Variants in RXFP1 observed in about 807,000 individuals in gnomAD.
RXFP1 encodes the protein relaxin receptor 1.
In RXFP1, 73 loss-of-function variants were observed where a neutral mutation model predicts 89.8. That is an observed-to-expected ratio of 0.81 (90% CI 0.67 to 0.99). RXFP1 has a LOEUF of 0.99. RXFP1 is among the 50% of genes least tolerant of loss of function. RXFP1 has a pLI of 0.00. For missense variants in RXFP1, 793 were observed against 895.5 expected (o/e 0.89, Z 1.46); for synonymous variants, 277 against 305.5 (o/e 0.91, Z 0.97).
intron 1 of RXFP1, among the ~76,000 whole-genome samples, chr4:158,552,244 T>G (rs1750313441): frequency 6.6e-6 from 1 of 152,148 alleles, no homozygotes; most frequent in African/African-American, 2.4e-5. Context: ...ACCACACCAG[T>G]AAGTAGGAAT....
intron 1 of RXFP1, among the ~76,000 whole-genome samples, chr4:158,550,906 A>G (rs1193403604): frequency 6.6e-6 from 1 of 152,100 alleles, no homozygotes; most frequent in African/African-American, 2.4e-5. Context: ...ATGGAGTTTT[A>G]TGAAGATAAA....
chr4:158,550,969 C>T (rs1749954460), intron 1 of RXFP1, among the ~76,000 whole-genome samples: 1 of 151,656 alleles, frequency 6.6e-6, no homozygotes, highest in African/African-American at 2.4e-5. Context: ...ATATTAAATG[C>T]TCTAAAACAT....
Position 158,652,028 on chromosome 4 carries a change from A to G in RXFP1, c.2247A>G (p.Gln749=). ...TYPCEMSLIS[Q]STRLNSYS is the part of the protein sequence containing the mutation. ...CCTGTGAAATGTCACTGATTTCTCA[A>G]TCAACGAGACTCAATTCCTATTCAT... The change falls in exon 18 of 18, where the codon CAA becomes CAG. Residue 749 remains glutamine (Q), a synonymous_variant. Coordinates refer to ENST00000307765, the MANE Select transcript of RXFP1 (RefSeq NM_021634.4). The G allele has an allele frequency of 6.2e-7, 1 of 1,613,084 alleles. No homozygotes were observed. Among genetic ancestry groups the G allele is most frequent in the Non-Finnish European group, 8.5e-7 (1 of 1,179,254 alleles).
chr4:158,645,976 C>T (rs900708830), intron 15 of RXFP1, among the ~76,000 whole-genome samples: 4 of 152,140 alleles, frequency 2.6e-5, no homozygotes, highest in African/African-American at 9.7e-5. Flanking sequence ...GAAGCCTAGA[C>T]TGTAACTTCA....
intron 6 of RXFP1, 105 bp downstream of exon 6, chr4:158,608,148 T>C (rs957710038): frequency 1.4e-6 from 1 of 704,846 alleles, no homozygotes; most frequent in Non-Finnish European, 2.4e-6. Context: ...CAAGGAGCCA[T>C]GCAAGTGATG....
At chr4:158,600,377 A>G (rs1267222417) in intron 4 of RXFP1, among the ~76,000 whole-genome samples, 1 of 152,184 alleles carries the variant, frequency 6.6e-6, no homozygotes, top group Non-Finnish European at 1.5e-5. Flanking sequence ...AAGTTTACCC[A>G]ATTTGTGGTG....
chr4:158,599,971 C>T (rs1761371540), intron 4 of RXFP1, among the ~76,000 whole-genome samples: 1 of 152,154 alleles, frequency 6.6e-6, no homozygotes, highest in South Asian at 2.1e-4. Context: ...TTCAAACTTA[C>T]ATATGTAAAA....
At chr4:158,647,272 A>G in intron 16 of RXFP1, 71 bp downstream of exon 16, 1 of 1,210,806 alleles carries the variant, frequency 8.3e-7, no homozygotes, top group South Asian at 1.6e-5. Flanking sequence ...GTTAGTAAGA[A>G]TGAGGGTGAA....
At chr4:158,533,232 C>T (rs1418886585) in intron 1 of RXFP1, among the ~76,000 whole-genome samples, 1 of 152,174 alleles carries the variant, frequency 6.6e-6, no homozygotes, top group African/African-American at 2.4e-5. Context: ...AAAGCCATGA[C>T]TCTAAAGCTT....
intron 11 of RXFP1, 65 bp downstream of exon 11, chr4:158,628,774 A>G (rs1767441157): frequency 3.7e-6 from 3 of 817,778 alleles, no homozygotes; most frequent in Admixed American, 5.1e-5. Context: ...ACTTGTACTT[A>G]CATGTGTTTA....
chr4:158,612,097 A>T (rs1310871824), intron 6 of RXFP1, 33 bp from the exon 7 acceptor site: 2 of 1,514,998 alleles, frequency 1.3e-6, no homozygotes, highest in African/African-American at 2.8e-5. Context: ...TCAAAAATAT[A>T]CAAATTTATT....
intron 9 of RXFP1, among the ~76,000 whole-genome samples, chr4:158,625,281 A>T (rs1016531773): frequency 6.6e-6 from 1 of 152,144 alleles, no homozygotes; most frequent in Non-Finnish European, 1.5e-5. Context: ...TAGAATCCAC[A>T]TTTAAGATTC....
intron 1 of RXFP1, among the ~76,000 whole-genome samples, chr4:158,534,750 A>G (rs1744886074): frequency 6.6e-6 from 1 of 151,658 alleles, no homozygotes. Context: ...GGGCACATCA[A>G]TGCTTAGTCC....
intron 17 of RXFP1, among the ~76,000 whole-genome samples, chr4:158,651,311 G>C (rs956871148): frequency 1.3e-5 from 2 of 151,862 alleles, no homozygotes; most frequent in Admixed American, 1.3e-4. Context: ...AAATCAAATG[G>C]CAAAAAAGAA....
chr4:158,601,604 G>A (rs371952929), intron 4 of RXFP1, among the ~76,000 whole-genome samples: 1 of 152,176 alleles, frequency 6.6e-6, no homozygotes, highest in African/African-American at 2.4e-5. Flanking sequence ...CGTAGTCCCA[G>A]TCTGTTCAGT....
In RXFP1 at chr4:158,547,639, G is replaced by A. The variant is rs112725045; in HGVS notation, c.50-25059G>A. 4.3e-4 allele frequency among the ~76,000 whole-genome samples: 66 copies of A among 151,888 alleles called. 2 individuals carry two copies. The highest frequency in any genetic ancestry group is 1.5e-3 in the African/African-American group (63 of 41,396). ...GCTTTGAATGCATCCCAGAGATTCT[G>A]GTATGTTGTGTCTTTGTTCTCGTTG... On this transcript the variant is annotated intron_variant, in intron 1 of 17. Transcript: ENST00000307765.
chr4:158,636,040 A>G (rs1769090616), intron 12 of RXFP1, among the ~76,000 whole-genome samples: 1 of 151,972 alleles, frequency 6.6e-6, no homozygotes. Context: ...CCTTTAATCA[A>G]TGATTCTTGT....
At chr4:158,634,142 G>C (rs977265592) in intron 12 of RXFP1, among the ~76,000 whole-genome samples, 3 of 152,116 alleles carry the variant, frequency 2.0e-5, no homozygotes, top group Non-Finnish European at 4.4e-5. Flanking sequence ...TCCGCTAGTA[G>C]TATACTAGGG....
chr4:158,544,290 T>G, intron 1 of RXFP1: 1 of 985,188 alleles, frequency 1.0e-6, no homozygotes, highest in Non-Finnish European at 1.2e-6. Context: ...GACAATAACT[T>G]GGAATGCCCT....
Sources: allele counts gnomAD v4.1 joint callset (sites outside exome capture counted in the v4.1 genomes callset), GRCh38; gene constraint gnomAD v4.1.1; transcripts MANE v1.5; gene names NCBI Gene and HGNC (gene_info 2026-07-23, HGNC 2026-07-21).